Variants in TGFBR3 observed in about 807,000 individuals in gnomAD.
TGFBR3 encodes transforming growth factor beta receptor type 3.
In TGFBR3, 46 loss-of-function variants were observed where a neutral mutation model predicts 87.9. The observed-to-expected ratio is 0.52, with a 90% CI of 0.41 to 0.67. The LOEUF (loss-of-function observed/expected upper bound fraction) is 0.67, where lower values mean the gene tolerates loss of function less well. Ranked by LOEUF, TGFBR3 falls within the 30% of genes least tolerant of loss-of-function variation. The pLI is 0.00. For synonymous variants in TGFBR3, 381 were observed against 391.6 expected (o/e 0.97, Z 0.32); for missense variants, 866 against 1,041.9 (o/e 0.83, Z 2.32).
intron 1 of TGFBR3, among the ~76,000 whole-genome samples, chr1:91,903,788 G>A (rs1679784639): frequency 6.6e-6 from 1 of 152,116 alleles, no homozygotes; most frequent in Non-Finnish European, 1.5e-5. Context: ...AAAATATGTT[G>A]AAAAAATGAT....
At chr1:91,744,334 C>T (rs1673259203) in intron 4 of TGFBR3, among the ~76,000 whole-genome samples, 1 of 152,174 alleles carries the variant, frequency 6.6e-6, no homozygotes, top group African/African-American at 2.4e-5. Context: ...GATCTGCCCA[C>T]CCCGGCCTCC....
rs1287148281 is a variant in TGFBR3 at position 91,682,229 on chromosome 1, C to T, written c.*1510G>A. Reference sequence around the variant, plus strand: ...TCCATTCACAGACAACCAGGCATAACTTCCTTATTTTAAGGGCAGTGGGAT... The same window carrying T: ...TCCATTCACAGACAACCAGGCATAATTTCCTTATTTTAAGGGCAGTGGGAT... On this transcript the variant is annotated 3_prime_UTR_variant, in exon 17 of 17. Transcript: ENST00000212355. The T allele has an allele frequency of 2.2e-6, 1 of 453,890 alleles. No individual in the cohort carries two copies. Among genetic ancestry groups the T allele is most frequent in the African/African-American group, 2.0e-5 (1 of 49,984 alleles). 28.1% of individuals were successfully genotyped at this position (453,890 alleles called of 1,614,324 possible).
intron 2 of TGFBR3, among the ~76,000 whole-genome samples, chr1:91,896,538 C>G (rs1355264964): frequency 6.6e-6 from 1 of 152,112 alleles, no homozygotes; most frequent in Non-Finnish European, 1.5e-5. Context: ...CACCTGGAAG[C>G]CAAAGGTTCT....
At chr1:91,898,561 T>C (rs886951729) in intron 2 of TGFBR3, among the ~76,000 whole-genome samples, 4 of 152,020 alleles carry the variant, frequency 2.6e-5, no homozygotes, top group Non-Finnish European at 5.9e-5. Context: ...CTCAGCCTCC[T>C]GAGTAGCTGG....
Position 91,682,044 on chromosome 1 carries a change from T to G in TGFBR3, c.*1695A>C, listed in dbSNP as rs1670926424. The G allele has an allele frequency of 2.2e-6, 1 of 453,486 alleles. No individual in the cohort carries two copies. Among genetic ancestry groups the G allele is most frequent in the Non-Finnish European group, 4.4e-6 (1 of 226,648 alleles). 28.1% of individuals were successfully genotyped at this position (453,486 alleles called of 1,614,324 possible). On this transcript the variant is annotated 3_prime_UTR_variant, in exon 17 of 17. Coordinates refer to ENST00000212355, the MANE Select transcript of TGFBR3 (RefSeq NM_003243.5). ...ATGTTTTAGTTAAAATGTTCCTTAT[T>G]GAAAAAAAAAAATGTTCCTTATTGA...
chr1:91,747,778 T>C (rs899782795), intron 4 of TGFBR3, among the ~76,000 whole-genome samples: 1 of 152,188 alleles, frequency 6.6e-6, no homozygotes, highest in Admixed American at 6.5e-5. Flanking sequence ...TTCAATCCAT[T>C]GAAAGCCATT....
intron 2 of TGFBR3, among the ~76,000 whole-genome samples, chr1:91,893,345 C>T (rs1339023729): frequency 6.6e-6 from 1 of 151,702 alleles, no homozygotes; most frequent in East Asian, 1.9e-4. Context: ...AGTACAGTGG[C>T]GTGATCTCGG....
Position 91,683,730 on chromosome 1 carries a change from T to G in TGFBR3, c.*9A>C, listed in dbSNP as rs202191737. On this transcript the variant is annotated 3_prime_UTR_variant, in exon 17 of 17. Transcript: ENST00000212355. ...TGGGCTGGGTTGGGCCGGGTTGGGC[T>G]GGGTTGGGCTAGGCCGTGCTGCTGC... 2 of 1,547,170 alleles carry G rather than the reference T, an allele frequency of 1.3e-6. No homozygotes were observed. The highest frequency in any genetic ancestry group is 2.7e-5 in the African/African-American group (2 of 73,604).
chr1:91,814,995 A>C (rs1380940094), intron 2 of TGFBR3, among the ~76,000 whole-genome samples: 1 of 152,202 alleles, frequency 6.6e-6, no homozygotes, highest in African/African-American at 2.4e-5. Flanking sequence ...TACTGTGAGC[A>C]ATTTATAAAA....
intron 1 of TGFBR3, among the ~76,000 whole-genome samples, chr1:91,873,565 T>G (rs898049292): frequency 6.6e-6 from 1 of 151,992 alleles, no homozygotes; most frequent in African/African-American, 2.4e-5. Context: ...CCTCCAAAAG[T>G]GTTGGGATTA....
intron 2 of TGFBR3, among the ~76,000 whole-genome samples, chr1:91,802,158 G>C (rs902307999): frequency 3.9e-5 from 6 of 152,070 alleles, no homozygotes; most frequent in South Asian, 2.1e-4. Flanking sequence ...ATTGTATGAA[G>C]TTTTCCTTTG....
At chr1:91,722,768 G>C (rs756989180) in intron 7 of TGFBR3, among the ~76,000 whole-genome samples, 4 of 152,140 alleles carry the variant, frequency 2.6e-5, no homozygotes, top group African/African-American at 9.7e-5. Context: ...CTGCTCCTAG[G>C]CTACAAACCT....
chr1:91,872,340 A>G (rs1678613276), intron 1 of TGFBR3, among the ~76,000 whole-genome samples: 2 of 152,174 alleles, frequency 1.3e-5, no homozygotes, highest in South Asian at 4.2e-4. Flanking sequence ...GGTCCTGCCA[A>G]TCCTGACTTC....
intron 2 of TGFBR3, among the ~76,000 whole-genome samples, chr1:91,811,566 G>A (rs565810111): frequency 1.3e-5 from 2 of 152,280 alleles, no homozygotes; most frequent in Admixed American, 1.3e-4. Context: ...GGATTTTGCT[G>A]TGTCGGGTCA....
chr1:91,832,848 C>T (rs924110220), intron 2 of TGFBR3, among the ~76,000 whole-genome samples: 3 of 151,542 alleles, frequency 2.0e-5, no homozygotes, highest in South Asian at 4.2e-4. Context: ...ATTAAAAATA[C>T]AAAAATTATA....
chr1:91,887,236 CTTTTTTTTTTTTTTTT>C (rs71087977), upstream of TGFBR3, among the ~76,000 whole-genome samples: 1 of 41,408 alleles, frequency 2.4e-5, no homozygotes, highest in Non-Finnish European at 4.0e-5. Context: ...GGACCTATGC[CTTTTTTTTTTTTTTTT>C]TTTTTTTTTT....
upstream of TGFBR3, among the ~76,000 whole-genome samples, chr1:91,888,934 T>G (rs1571607999): frequency 6.6e-6 from 1 of 151,860 alleles, no homozygotes. Context: ...GAGGCTGGAG[T>G]GCAGTGGCGC....
At chr1:91,794,584 A>G (rs147291084) in intron 3 of TGFBR3, among the ~76,000 whole-genome samples, 55 of 152,232 alleles carry the variant, frequency 3.6e-4, no homozygotes, top group African/African-American at 1.3e-3. Flanking sequence ...GCAATGACTA[A>G]TTTACTTTGT....
intron 12 of TGFBR3, among the ~76,000 whole-genome samples, chr1:91,712,821 C>A (rs190567689): frequency 5.5e-4 from 84 of 152,310 alleles, no homozygotes; most frequent in African/African-American, 1.9e-3. Context: ...TTCCACCTCC[C>A]AATGAGTCCT....
Sources: allele counts gnomAD v4.1 joint callset (sites outside exome capture counted in the v4.1 genomes callset), GRCh38; gene constraint gnomAD v4.1.1; transcripts MANE v1.5; gene names NCBI Gene and HGNC (gene_info 2026-07-23, HGNC 2026-07-21).